The following AARS1 variants were observed in gnomAD, a reference collection of about 807,000 sequenced individuals.
The protein encoded by AARS1 is alanyl-tRNA synthetase 1.
Under a neutral mutation model 108.9 loss-of-function variants are expected in AARS1, and 72 were observed. That is an observed-to-expected ratio of 0.66 (90% confidence interval 0.55 to 0.80). The LOEUF (loss-of-function observed/expected upper bound fraction) is 0.80, where lower values mean the gene tolerates loss of function less well. Ranked by LOEUF, AARS1 falls within the 30% of genes least tolerant of loss-of-function variation. The pLI, the probability that AARS1 is intolerant of heterozygous loss-of-function variation, is 0.00. For synonymous variants in AARS1, 489 were observed against 465.7 expected (o/e 1.05, Z -0.64); for missense variants, 1,193 against 1,233.2 (o/e 0.97, Z 0.49).
chr16:70,287,123 C>T (rs1169248511), intron 1 of AARS1, among the ~76,000 whole-genome samples: 1 of 151,594 alleles, frequency 6.6e-6, no homozygotes, highest in African/African-American at 2.4e-5. Flanking sequence ...TGGTAGCGGG[C>T]GCCTGTAGTC....
rs551300724 is a variant in AARS1 at position 70,257,463 on chromosome 16, G to A, written c.2177+570C>T. Among the ~76,000 whole-genome samples, 118 of 152,252 alleles carry A rather than the reference G, an allele frequency of 7.8e-4. 2 individuals are homozygous for A. The South Asian group carries it at 0.024, about 31-fold the overall frequency. On this transcript the variant is annotated intron_variant, in intron 15 of 20. Coordinates refer to ENST00000261772, the MANE Select transcript of AARS1 (RefSeq NM_001605.3). ...CAATTCTTTTCACAAGGCTTCATTT[G>A]GAAGCAGAAACTTTCCAGGCCACCA...
At position 70,271,611 on chromosome 16, in the gene AARS1, C is replaced by T. The variant is rs140610127; in HGVS notation, c.671+170G>A. Among the ~76,000 whole-genome samples the T allele has an allele frequency of 1.4e-3, 210 of 151,924 alleles. 5 individuals carry two copies. The highest frequency in any genetic ancestry group is 4.6e-3 in the African/African-American group (192 of 41,448). On this transcript the variant is annotated intron_variant, in intron 5 of 20. Transcript: ENST00000261772. Reference sequence around the variant, plus strand: ...ATAGCTCGCAAGAAGCTATTATGTGCGATAAGGTTTAGTTCATGAAAGAAT... The same window carrying T: ...ATAGCTCGCAAGAAGCTATTATGTGTGATAAGGTTTAGTTCATGAAAGAAT...
At chr16:70,285,689 T>C (rs1277267277) in intron 1 of AARS1, among the ~76,000 whole-genome samples, 1 of 152,168 alleles carries the variant, frequency 6.6e-6, no homozygotes, top group African/African-American at 2.4e-5. Flanking sequence ...CCTCAGGTGA[T>C]CTGCCAGCCT....
intron 1 of AARS1, among the ~76,000 whole-genome samples, chr16:70,288,635 C>A (rs963668446): frequency 6.8e-6 from 1 of 146,574 alleles, no homozygotes; most frequent in Non-Finnish European, 1.5e-5. Context: ...GGTGTGATCT[C>A]AGCTCACTGC....
chr16:70,272,074 G>A, intron 4 of AARS1, 102 bp from the exon 5 acceptor site: 1 of 1,081,136 alleles, frequency 9.2e-7, no homozygotes, highest in Non-Finnish European at 1.4e-6. Flanking sequence ...GCCGGGCACA[G>A]TGGCTCATGT....
intron 9 of AARS1, 128 bp from the exon 10 acceptor site, chr16:70,265,790 G>T: frequency 3.2e-6 from 3 of 927,172 alleles, no homozygotes; most frequent in Non-Finnish European, 4.7e-6. Context: ...GGCCCTGTGT[G>T]CCCATCAGAA....
chr16:70,275,468 T>TA (rs1960518453), intron 4 of AARS1, among the ~76,000 whole-genome samples: 1 of 144,236 alleles, frequency 6.9e-6, no homozygotes, highest in Admixed American at 7.0e-5. Flanking sequence ...TATATATATA[T>TA]AAAAAAACAA....
intron 15 of AARS1, among the ~76,000 whole-genome samples, chr16:70,256,678 C>A (rs76088863): frequency 6.6e-6 from 1 of 152,138 alleles, no homozygotes; most frequent in East Asian, 1.9e-4. Flanking sequence ...AAGTGGGACT[C>A]GTTTGAAGGC....
chr16:70,273,142 A>G (rs1597444166), intron 4 of AARS1, among the ~76,000 whole-genome samples: 1 of 152,280 alleles, frequency 6.6e-6, no homozygotes, highest in South Asian at 2.1e-4. Context: ...TTGGAATAAT[A>G]TATCTAGAGT....
intron 7 of AARS1, among the ~76,000 whole-genome samples, chr16:70,269,150 C>A (rs1197700466): frequency 6.6e-6 from 1 of 151,644 alleles, no homozygotes; most frequent in Admixed American, 6.6e-5. Context: ...ATGGAAGGAA[C>A]CCCATCTTTA....
chr16:70,281,409 T>C (rs1052830954), intron 2 of AARS1, among the ~76,000 whole-genome samples: 1 of 152,150 alleles, frequency 6.6e-6, no homozygotes, highest in South Asian at 2.1e-4. Context: ...CTCACGTCTA[T>C]AATCCCAGCA....
intron 7 of AARS1, 74 bp downstream of exon 7, chr16:70,269,544 A>G: frequency 1.3e-6 from 2 of 1,597,702 alleles, no homozygotes; most frequent in South Asian, 1.1e-5. Context: ...ACACACAAAG[A>G]AAAGTTTCAT....
intron 3 of AARS1, 133 bp from the exon 4 acceptor site, chr16:70,276,764 T>C (rs952061823): frequency 9.0e-5 from 111 of 1,232,464 alleles, no homozygotes; most frequent in Non-Finnish European, 1.2e-4. Context: ...GATCAGTTTA[T>C]GTAAGAAATC....
At chr16:70,261,305 G>T (rs567080177) in intron 12 of AARS1, 148 bp from the exon 13 acceptor site, 343 of 581,242 alleles carry the variant, frequency 5.9e-4, no homozygotes, top group Non-Finnish European at 9.9e-4. Flanking sequence ...CATTAAATAT[G>T]ATTAAATAGG....
intron 11 of AARS1, 22 bp downstream of exon 11, chr16:70,264,936 T>C (rs1441397085): frequency 3.1e-6 from 5 of 1,613,864 alleles, no homozygotes; most frequent in Non-Finnish European, 4.2e-6. Context: ...TGCTCAGATG[T>C]GGAAGGAGCA....
Position 70,269,558 on chromosome 16 carries a change from G to T in AARS1, c.962+60C>A. ...CACACACAAAGAAAAGTTTCATAAA[G>T]AGTCACACATAGCACACGTGGTGCC... is the stretch of plus-strand genomic sequence containing the variant. On this transcript the variant is annotated intron_variant, in intron 7 of 20. Coordinates refer to ENST00000261772, the MANE Select transcript of AARS1 (RefSeq NM_001605.3). 3.7e-6 allele frequency: 6 copies of T among 1,605,220 alleles called. 1 individual carries two copies. In the South Asian group the frequency reaches 6.6e-5, roughly 18 times the overall value.
chr16:70,282,237 G>A lies in AARS1; in HGVS notation c.144+383C>T, dbSNP rs1235987065. Among the ~76,000 whole-genome samples, 9 of 149,450 alleles carry A rather than the reference G, an allele frequency of 6.0e-5. No individual in the cohort carries two copies. In the East Asian group the frequency reaches 1.8e-3, roughly 30 times the overall value. On this transcript the variant is annotated intron_variant, in intron 2 of 20. Coordinates refer to ENST00000261772, the MANE Select transcript of AARS1 (RefSeq NM_001605.3). ...CCAGCTACTCGGGAGGCTGGGGCAG[G>A]AGAATGGCGTGAATCCAGAAGGCAG... is the stretch of plus-strand genomic sequence containing the variant.
chr16:70,272,826 CTTGAGCCCAGGAAG>C (rs1960441286), intron 4 of AARS1, among the ~76,000 whole-genome samples: 2 of 150,862 alleles, frequency 1.3e-5, no homozygotes, highest in African/African-American at 4.9e-5. Context: ...GAGAGGATCA[CTTGAGCCCAGGAAG>C]TTGAGGCTGC....
chr16:70,262,986 A>C (rs892259107), intron 11 of AARS1, among the ~76,000 whole-genome samples: 3 of 147,164 alleles, frequency 2.0e-5, no homozygotes, highest in African/African-American at 2.5e-5. Context: ...AAAAAAAAAA[A>C]AAAAAAAAAA....
Sources: gnomAD v4.1 joint callset for allele counts (sites outside exome capture counted in the v4.1 genomes callset) on GRCh38, gnomAD v4.1.1 for gene constraint, MANE v1.5 for transcripts, NCBI Gene and HGNC (gene_info 2026-07-23, HGNC 2026-07-21) for gene names.